STAT3: variants seen among roughly 807,000 people sequenced by gnomAD.
STAT3 encodes the protein DNA-binding protein APRF.
A neutral mutation model predicts 114.3 loss-of-function variants in STAT3; 7 were observed. The ratio of observed to expected loss-of-function variants is 0.06; its 90% CI spans 0.03 to 0.11. The LOEUF (loss-of-function observed/expected upper bound fraction) is 0.11, where lower values mean the gene tolerates loss of function less well. STAT3 is among the 10% of genes least tolerant of loss of function. The pLI is 1.00. For synonymous variants in STAT3, 331 were observed against 354.5 expected, an observed-to-expected ratio of 0.93 and a Z score of 0.74; for missense variants, 364 against 960.9, an observed-to-expected ratio of 0.38 and a Z score of 8.21.
At chr17:42,315,980 C>T (rs1025925749) in intron 23 of STAT3, 180 bp from the exon 24 acceptor site, 13 of 1,475,260 alleles carry the variant, frequency 8.8e-6, no homozygotes, top group East Asian at 2.5e-5. Flanking sequence ...GACCCTGCCT[C>T]GGGAAGGGTC....
At chr17:42,348,174 T>A (rs1598444339) in intron 2 of STAT3, among the ~76,000 whole-genome samples, 1 of 152,010 alleles carries the variant, frequency 6.6e-6, no homozygotes, top group East Asian at 1.9e-4. Flanking sequence ...ATACAGGCGG[T>A]TTCAATGTGT....
chr17:42,343,118 G>A (rs182554143), intron 4 of STAT3, among the ~76,000 whole-genome samples: 118 of 149,186 alleles, frequency 7.9e-4, no homozygotes, highest in African/African-American at 2.9e-3. Flanking sequence ...GCTGCAGTGA[G>A]CTGTGATCAC....
At position 42,350,056 on chromosome 17, in the gene STAT3, C is replaced by CA. The variant is rs34972443; in HGVS notation, c.-23-1518dup. On this transcript the variant is annotated intron_variant, in intron 1 of 23. Transcript: ENST00000264657. Reference sequence around the variant, plus strand: ...GGCAACTAGAGCAAAACTCTGTCTCCAAAAAAAAAAAAAGAGAAGTTCTAA... The same window carrying CA: ...GGCAACTAGAGCAAAACTCTGTCTCCAAAAAAAAAAAAAAGAGAAGTTCTAA... Among the ~76,000 whole-genome samples, 377 of 136,460 alleles carry CA rather than the reference C, an allele frequency of 2.8e-3. 1 individual carries two copies. The highest frequency in any genetic ancestry group is 7.3e-3 in the African/African-American group (271 of 37,248). The allele number at this position is 136,460 out of a possible 152,430, so 89.5% of individuals were successfully genotyped here.
chr17:42,333,269 C>A lies in STAT3; in HGVS notation c.1049+404G>T, dbSNP rs1173724872. 6.6e-6 allele frequency among the ~76,000 whole-genome samples: 1 copy of A among 152,058 alleles called. No homozygotes were observed. The highest frequency in any genetic ancestry group is 6.6e-5 in the Admixed American group (1 of 15,258). On this transcript the variant is annotated intron_variant, in intron 10 of 23. Coordinates refer to ENST00000264657, the MANE Select transcript of STAT3 (RefSeq NM_139276.3). This position sits in a 1 kb window ranked among gnomAD's most constrained non-coding sequence, Gnocchi z 5.2. ...TCTGACTTGAGTGTGAAAGTAACAC[C>A]TCACCCTACAGGCCCACCACCCACC...
At chr17:42,362,215 C>A (rs2083547137) in intron 1 of STAT3, among the ~76,000 whole-genome samples, 1 of 152,180 alleles carries the variant, frequency 6.6e-6, no homozygotes, top group Non-Finnish European at 1.5e-5. Flanking sequence ...ACAGCCACAG[C>A]AACTCAAAAT....
rs375422245 is a variant in STAT3, at chr17:42,333,790, C to G, written c.957-25G>C. The G allele has an allele frequency of 1.2e-6, 2 of 1,614,068 alleles. No homozygotes were observed. Among genetic ancestry groups the G allele is most frequent in the Admixed American group, 1.7e-5 (1 of 60,000 alleles). ...ACTGAGGAAAGAGAAGATGGGCTCACGCGCCACGGCCATGACCAGAAGTCA... is the reference window on the plus strand; with the variant it reads ...ACTGAGGAAAGAGAAGATGGGCTCAGGCGCCACGGCCATGACCAGAAGTCA... On this transcript the variant is annotated intron_variant, in intron 9 of 23. Transcript: ENST00000264657. This position sits in a 1 kb window ranked among gnomAD's most constrained non-coding sequence, Gnocchi z 5.2.
chr17:42,321,649 A>G (rs370183119), intron 21 of STAT3, among the ~76,000 whole-genome samples: 1 of 152,144 alleles, frequency 6.6e-6, no homozygotes, highest in East Asian at 1.9e-4. Context: ...ACCATCTGGC[A>G]CACTGACATG....
At chr17:42,325,105 TCA>T in intron 15 of STAT3, 44 bp from the exon 16 acceptor site, 2 of 1,576,344 alleles carry the variant, frequency 1.3e-6, no homozygotes, top group Non-Finnish European at 1.7e-6. Flanking sequence ...AGAGGGGCTC[TCA>T]CAGCCTTGGA....
intron 3 of STAT3, 134 bp downstream of exon 3, chr17:42,346,431 ATTAC>A (rs2082703539): frequency 7.7e-7 from 1 of 1,297,722 alleles, no homozygotes; most frequent in Non-Finnish European, 1.1e-6. Flanking sequence ...GAAAGGGCTA[ATTAC>A]TTCTCCTGTG....
chr17:42,342,566 G>A lies in STAT3; in HGVS notation c.372+2993C>T, dbSNP rs191604819. On this transcript the variant is annotated intron_variant, in intron 4 of 23. Coordinates refer to ENST00000264657, the MANE Select transcript of STAT3 (RefSeq NM_139276.3). ...GATGATAGTGATGTCAGCAGCAGCA[G>A]AAAGCAGTTAAATTATTTTGCATTT... Among the ~76,000 whole-genome samples the A allele has an allele frequency of 3.3e-5, 5 of 152,238 alleles. No individual in the cohort carries two copies. In the East Asian group the frequency reaches 9.6e-4, roughly 29 times the overall value.
chr17:42,316,463 C>T (rs2081253947), intron 23 of STAT3: 3 of 458,518 alleles, frequency 6.5e-6, no homozygotes, highest in East Asian at 1.3e-4. Flanking sequence ...AAGTGATCCA[C>T]CCACCTCGGC....
At chr17:42,335,129 CTTTT>C (rs367729820) in intron 8 of STAT3, among the ~76,000 whole-genome samples, 1 of 144,704 alleles carries the variant, frequency 6.9e-6, no homozygotes, top group African/African-American at 2.5e-5. Context: ...TTCTTTCTTT[CTTTT>C]TTTTTTTTTG....
At chr17:42,365,647 T>G (rs151243667) in intron 1 of STAT3, among the ~76,000 whole-genome samples, 33 of 148,166 alleles carry the variant, frequency 2.2e-4, no homozygotes, top group African/African-American at 8.1e-4. Flanking sequence ...AAGTTTTTTT[T>G]TTTTGTTTTT....
intron 1 of STAT3, among the ~76,000 whole-genome samples, chr17:42,368,270 A>T (rs1420891183): frequency 6.6e-6 from 1 of 152,262 alleles, no homozygotes; most frequent in African/African-American, 2.4e-5. Context: ...TGTTTTTCTT[A>T]AACTGCAATA....
intron 15 of STAT3, among the ~76,000 whole-genome samples, chr17:42,325,709 C>A (rs1162384239): frequency 1.3e-5 from 2 of 151,996 alleles, no homozygotes; most frequent in Non-Finnish European, 2.9e-5. Context: ...GGATTATAGG[C>A]GTCCGCCACC....
Position 42,323,098 on chromosome 17 carries a change from C to T in STAT3, c.1794G>A (p.Leu598=), listed in dbSNP as rs376413845. 20 of 1,614,052 alleles carry T rather than the reference C, an allele frequency of 1.2e-5. No homozygotes were observed. Among genetic ancestry groups the T allele is most frequent in the Non-Finnish European group, 1.7e-5 (20 of 1,180,046 alleles). Residue 598 remains leucine, a synonymous_variant, in exon 20 of 24, where the codon TTG becomes TTA. Transcript: ENST00000264657. Reference sequence around the variant, plus strand: ...GGAAGGTGCCTGGAGGCTTAGTGCTCAAGATGGCCCGCTCCCGCTCCTTAC... The same window carrying T: ...GGAAGGTGCCTGGAGGCTTAGTGCTTAAGATGGCCCGCTCCCGCTCCTTAC... ...FISKERERAI[L]STKPPGTFLL...
At chr17:42,366,745 C>T (rs1206984070) in intron 1 of STAT3, among the ~76,000 whole-genome samples, 2 of 151,694 alleles carry the variant, frequency 1.3e-5, no homozygotes, top group Non-Finnish European at 2.9e-5. Flanking sequence ...TTAATCCAGG[C>T]CACCAGCATC....
At chr17:42,318,126 CTT>C (rs57273112) in intron 21 of STAT3, among the ~76,000 whole-genome samples, 5,045 of 146,906 alleles carry the variant, frequency 0.034, 306 homozygotes, top group African/African-American at 0.12. Flanking sequence ...TAATTTTTGT[CTT>C]TTTTTTTTTT....
At chr17:42,347,026 T>C (rs1279186126) in intron 2 of STAT3, among the ~76,000 whole-genome samples, 2 of 151,650 alleles carry the variant, frequency 1.3e-5, no homozygotes, top group African/African-American at 2.4e-5. Context: ...CTGTCTCTAC[T>C]AAAAATAAAA....
Sources: gnomAD v4.1 joint callset for allele counts (sites outside exome capture counted in the v4.1 genomes callset) on GRCh38, gnomAD v4.1.1 for gene constraint, Gnocchi (gnomAD v3.1) non-coding constraint, MANE v1.5 for transcripts, NCBI Gene and HGNC (gene_info 2026-07-23, HGNC 2026-07-21) for gene names.